Variants in RPRD2 observed in about 807,000 individuals in gnomAD.
RPRD2 encodes regulation of nuclear pre-mRNA domain-containing protein 2.
Under a neutral mutation model 104.4 loss-of-function variants are expected in RPRD2, and 12 were observed. The observed-to-expected ratio is 0.11, with a 90% CI of 0.07 to 0.19. RPRD2 has a LOEUF of 0.19. Among genes scored for constraint, RPRD2 ranks in the 10% least tolerant of loss-of-function variants. The probability of loss-of-function intolerance (pLI) is 1.00; values close to 1 mark genes in which losing one functional copy is unlikely to be tolerated. For synonymous variants in RPRD2, 714 were observed against 684.9 expected (o/e 1.04, Z -0.66); for missense variants, 1,543 against 1,790.1 (o/e 0.86, Z 2.49).
Position 150,470,576 on chromosome 1 carries a change from T to C in RPRD2, c.1628T>C (p.Leu543Pro). The change falls in exon 11 of 11, where the codon CTT becomes CCT. Residue 543 changes from leucine (L) to proline (P), a missense_variant. Leu to Pro is a moderately conservative substitution (Grantham distance 98). Transcript: ENST00000369068. ...GTTTCTACAGGCCTGTCATCTTTAC[T>C]TCAGAGTGTTACTGGGAACCCAGTT... is the stretch of plus-strand genomic sequence containing the variant. ...APALQGLSSLLQSVTGNPVPA... is the reference protein window; with the variant it reads ...APALQGLSSLPQSVTGNPVPA... 6.2e-7 allele frequency: 1 copy of C among 1,613,802 alleles called. No individual in the cohort carries two copies. The highest frequency in any genetic ancestry group is 8.5e-7 in the Non-Finnish European group (1 of 1,179,746).
chr1:150,460,437 T>G, intron 9 of RPRD2, 120 bp downstream of exon 9: 2 of 1,063,336 alleles, frequency 1.9e-6, no homozygotes, highest in Non-Finnish European at 2.7e-6. Flanking sequence ...AGAGTTTCGC[T>G]CTGTCTCCCA....
intron 1 of RPRD2, among the ~76,000 whole-genome samples, chr1:150,378,161 T>C (rs1367075735): frequency 1.3e-5 from 2 of 151,112 alleles, no homozygotes; most frequent in African/African-American, 4.9e-5. Context: ...ATAACACTAA[T>C]AGTTTAGTAA....
At chr1:150,370,012 C>T (rs1477209663) in intron 1 of RPRD2, among the ~76,000 whole-genome samples, 1 of 149,468 alleles carries the variant, frequency 6.7e-6, no homozygotes, top group Non-Finnish European at 1.5e-5. Flanking sequence ...AAACTCCTGA[C>T]TTCAAGTGAT....
chr1:150,444,469 C>A (rs1361113028), intron 6 of RPRD2, 92 bp downstream of exon 6: 11 of 1,312,880 alleles, frequency 8.4e-6, no homozygotes, highest in Non-Finnish European at 1.1e-5. Context: ...ATAAGGAGAT[C>A]CTTGGGTAGA....
intron 4 of RPRD2, among the ~76,000 whole-genome samples, chr1:150,442,705 G>T: frequency 6.6e-6 from 1 of 152,184 alleles, no homozygotes; most frequent in East Asian, 1.9e-4. Flanking sequence ...GGAACAACAG[G>T]AGTCGTCATT....
At chr1:150,462,948 G>A (rs1012017144) in intron 9 of RPRD2, among the ~76,000 whole-genome samples, 1 of 152,062 alleles carries the variant, frequency 6.6e-6, no homozygotes, top group Non-Finnish European at 1.5e-5. Context: ...CAAACTTCTG[G>A]GTTCAAGTGA....
chr1:150,433,493 G>A (rs1390496389), intron 2 of RPRD2, among the ~76,000 whole-genome samples: 21 of 124,998 alleles, frequency 1.7e-4, no homozygotes, highest in Non-Finnish European at 1.2e-4. Flanking sequence ...CACCCAGGCT[G>A]GAGTGCAGTG....
At chr1:150,463,528 T>G (rs1553899285) in intron 9 of RPRD2, among the ~76,000 whole-genome samples, 6 of 152,192 alleles carry the variant, frequency 3.9e-5, no homozygotes, top group Admixed American at 3.3e-4. Context: ...TGTTAAAAAT[T>G]TTTTTCCTTT....
At chr1:150,451,824 G>A (rs11801255) in intron 7 of RPRD2, among the ~76,000 whole-genome samples, 13,156 of 151,372 alleles carry the variant, frequency 0.087, 689 homozygotes, top group African/African-American at 0.11. Flanking sequence ...TTAATCATCC[G>A]ATATAACTGG....
chr1:150,398,167 G>C (rs879945842), intron 1 of RPRD2, among the ~76,000 whole-genome samples: 1 of 132,964 alleles, frequency 7.5e-6, no homozygotes, highest in Non-Finnish European at 1.6e-5. Flanking sequence ...ACTATGCCTG[G>C]CTAATTTTTG....
Position 150,464,739 on chromosome 1 carries a change from A to G in RPRD2, c.1612+12A>G, listed in dbSNP as rs66513313. 0.2 allele frequency: 318,634 copies of G among 1,598,762 alleles called. 34,903 individuals carry two copies. The highest frequency in any genetic ancestry group is 0.32 in the African/African-American group (23,959 of 74,604). ...CCCTGCACTGCAAGGTAACTGACAT[A>G]TGCCAGAGGGACTCGAATTGTGAAT... On this transcript the variant is annotated intron_variant, in intron 10 of 10. Coordinates refer to ENST00000369068, the MANE Select transcript of RPRD2 (RefSeq NM_015203.5).
intron 1 of RPRD2, among the ~76,000 whole-genome samples, chr1:150,372,500 C>A (rs1660390089): frequency 7.1e-6 from 1 of 140,412 alleles, no homozygotes; most frequent in East Asian, 2.0e-4. Context: ...CACACACACA[C>A]ACACAGACAC....
chr1:150,441,302 TTGAG>T, intron 3 of RPRD2: 1 of 320,532 alleles, frequency 3.1e-6, no homozygotes, highest in Non-Finnish European at 5.7e-6. Context: ...TGCATTTGCG[TTGAG>T]TGTTTCAAAT....
At chr1:150,462,851 G>A (rs1041139988) in intron 9 of RPRD2, among the ~76,000 whole-genome samples, 14 of 151,996 alleles carry the variant, frequency 9.2e-5, no homozygotes, top group Non-Finnish European at 1.3e-4. Context: ...CACCGCATCC[G>A]GCCATTTATT....
chr1:150,391,879 G>T (rs1184487801), intron 1 of RPRD2, among the ~76,000 whole-genome samples: 4 of 152,106 alleles, frequency 2.6e-5, no homozygotes, highest in Admixed American at 6.5e-5. Context: ...CTGCACTCCA[G>T]CCTGGGCAAC....
intron 2 of RPRD2, among the ~76,000 whole-genome samples, chr1:150,440,246 A>G (rs1030141955): frequency 2.6e-5 from 4 of 151,966 alleles, no homozygotes; most frequent in Admixed American, 6.6e-5. Context: ...ACCTCAGGCA[A>G]TCCATCCACT....
intron 8 of RPRD2, 28 bp from the exon 9 acceptor site, chr1:150,460,032 G>A (rs782075483): frequency 6.2e-7 from 1 of 1,608,974 alleles, no homozygotes; most frequent in Admixed American, 1.7e-5. Context: ...GTAGTAGGAT[G>A]TAATATCTCT....
At chr1:150,464,098 C>G (rs1344274697) in intron 9 of RPRD2, among the ~76,000 whole-genome samples, 1 of 152,128 alleles carries the variant, frequency 6.6e-6, no homozygotes, top group Admixed American at 6.6e-5. Context: ...CAACCTCCAC[C>G]TCCTGGGTTC....
chr1:150,470,748 A>C lies in RPRD2; in HGVS notation c.1800A>C (p.Glu600Asp). Residue 600 changes from glutamate to aspartate, a missense_variant, in exon 11 of 11, where the codon GAA (glutamate) becomes GAC (aspartate). Physicochemically the swap from Glu to Asp is conservative, Grantham distance 45 (BLOSUM62 2). This residue lies in a region of RPRD2 where 572 missense variants were observed against 787.3 expected (regional missense o/e 0.73). Coordinates refer to ENST00000369068, the MANE Select transcript of RPRD2 (RefSeq NM_015203.5). ...FNYSPNSSTS[E>D]VSSTSASKAS... ...ATTCTCCTAACTCATCAACTTCTGA[A>C]GTCTCTTCAACTTCAGCCAGCAAGG... The C allele has an allele frequency of 6.2e-7, 1 of 1,614,052 alleles. No individual in the cohort carries two copies. The highest frequency in any genetic ancestry group is 8.5e-7 in the Non-Finnish European group (1 of 1,179,892).
Sources: allele counts gnomAD v4.1 joint callset (sites outside exome capture counted in the v4.1 genomes callset), GRCh38; gene constraint gnomAD v4.1.1; regional missense constraint gnomAD v4.1.1; transcripts MANE v1.5; gene names NCBI Gene and HGNC (gene_info 2026-07-23, HGNC 2026-07-21).